TSHZ2: variants seen among roughly 807,000 people sequenced by gnomAD.
The protein encoded by TSHZ2 is teashirt homolog 2.
TSHZ2 carries 21 observed loss-of-function variants against 74.4 expected under a neutral mutation model. That is an observed-to-expected ratio of 0.28 (90% confidence interval 0.20 to 0.41). The LOEUF (loss-of-function observed/expected upper bound fraction) is 0.41, where lower values mean the gene tolerates loss of function less well. Among genes scored for constraint, TSHZ2 ranks in the 10% least tolerant of loss-of-function variants. TSHZ2 has a pLI of 1.00. For synonymous variants in TSHZ2, 540 were observed against 515.3 expected, an observed-to-expected ratio of 1.05 and a Z score of -0.65; for missense variants, 1,244 against 1,293.5, an observed-to-expected ratio of 0.96 and a Z score of 0.59.
At chr20:52,993,009 C>CT (rs1982049931) in intron 1 of TSHZ2, among the ~76,000 whole-genome samples, 2 of 152,056 alleles carry the variant, frequency 1.3e-5, no homozygotes, top group African/African-American at 2.4e-5. Flanking sequence ...TTAGGCTTCT[C>CT]TTTTTTTATT....
chr20:53,340,177 C>CTTTTTTTTTTTTTTTTTTTTTT lies in TSHZ2; in HGVS notation c.*8+83612_*8+83613insTTTTTTTTTTTTTTTTTTTTTT, dbSNP rs74177489. Among the ~76,000 whole-genome samples the CTTTTTTTTTTTTTTTTTTTTTT allele has an allele frequency of 8.5e-5, 8 of 94,080 alleles. 1 individual carries two copies. Among genetic ancestry groups the CTTTTTTTTTTTTTTTTTTTTTT allele is most frequent in the African/African-American group, 2.7e-4 (6 of 22,280 alleles). 61.7% of individuals were successfully genotyped at this position (94,080 alleles called of 152,430 possible). A position where few individuals can be genotyped will look rare whatever the true frequency, so the allele number is the denominator to read the frequency against. Reference sequence around the variant, plus strand: ...GGATAAAACAAGGTGACTTTTCTTTCTTTTTTCTTTTTTTTTTTTTTTTGA... The same window carrying CTTTTTTTTTTTTTTTTTTTTTT: ...GGATAAAACAAGGTGACTTTTCTTTCTTTTTTTTTTTTTTTTTTTTTTTTTTTTCTTTTTTTTTTTTTTTTGA... On this transcript the variant is annotated intron_variant, in intron 2 of 2. Transcript: ENST00000371497.
chr20:53,368,461 C>A (rs760857838), intron 2 of TSHZ2, among the ~76,000 whole-genome samples: 1 of 151,996 alleles, frequency 6.6e-6, no homozygotes, highest in Non-Finnish European at 1.5e-5. Context: ...CTGCCACAAC[C>A]CCCAGCTAAT....
intron 2 of TSHZ2, among the ~76,000 whole-genome samples, chr20:53,425,494 C>T (rs1043644072): frequency 2.6e-5 from 4 of 152,132 alleles, no homozygotes; most frequent in African/African-American, 7.2e-5. Context: ...AAATTTGATG[C>T]GTCTTCACGG....
At chr20:53,026,318 C>T (rs1983442999) in intron 1 of TSHZ2, among the ~76,000 whole-genome samples, 1 of 151,886 alleles carries the variant, frequency 6.6e-6, no homozygotes, top group South Asian at 2.1e-4. Flanking sequence ...AAGATACCTG[C>T]AGGAATTGGG....
chr20:53,339,505 G>A (rs1006583335), intron 2 of TSHZ2, among the ~76,000 whole-genome samples: 2 of 152,330 alleles, frequency 1.3e-5, no homozygotes, highest in African/African-American at 4.8e-5. Flanking sequence ...ACTGGGGCAC[G>A]TGGGAGCTCT....
At chr20:53,313,502 G>A (rs1192879651) in intron 2 of TSHZ2, among the ~76,000 whole-genome samples, 1 of 152,220 alleles carries the variant, frequency 6.6e-6, no homozygotes, top group African/African-American at 2.4e-5. Flanking sequence ...CTTTGCAGGA[G>A]CTGAGGTTTC....
intron 1 of TSHZ2, among the ~76,000 whole-genome samples, chr20:53,123,368 T>A (rs1986864768): frequency 6.6e-6 from 1 of 152,138 alleles, no homozygotes; most frequent in Admixed American, 6.5e-5. Context: ...ATGATCAGCT[T>A]CCATGAGGGA....
intron 2 of TSHZ2, among the ~76,000 whole-genome samples, chr20:53,314,535 C>G (rs953188633): frequency 8.6e-5 from 13 of 151,912 alleles, no homozygotes; most frequent in Non-Finnish European, 1.9e-4. Context: ...AGTCCTCAGC[C>G]ACATACCTGG....
At chr20:53,209,656 A>G (rs1306698187) in intron 1 of TSHZ2, among the ~76,000 whole-genome samples, 3 of 152,194 alleles carry the variant, frequency 2.0e-5, no homozygotes, top group African/African-American at 7.2e-5. Context: ...TTCCAAATCA[A>G]TCAAAAAGTG....
intron 1 of TSHZ2, among the ~76,000 whole-genome samples, chr20:52,984,914 G>T (rs1158773898): frequency 1.3e-5 from 2 of 152,226 alleles, no homozygotes; most frequent in African/African-American, 4.8e-5. Context: ...GGTTAGCCAT[G>T]AATATTTTCT....
At chr20:53,164,714 C>T (rs1359326376) in intron 1 of TSHZ2, among the ~76,000 whole-genome samples, 2 of 152,184 alleles carry the variant, frequency 1.3e-5, no homozygotes, top group Non-Finnish European at 2.9e-5. Context: ...GAAATACTAG[C>T]CTTCTATAGA....
At chr20:53,329,508 T>C (rs751258954) in intron 2 of TSHZ2, among the ~76,000 whole-genome samples, 1 of 152,176 alleles carries the variant, frequency 6.6e-6, no homozygotes, top group Non-Finnish European at 1.5e-5. Flanking sequence ...TGATCCTCCA[T>C]ATCAATATCA....
intron 1 of TSHZ2, among the ~76,000 whole-genome samples, chr20:53,002,469 C>A (rs1982476107): frequency 6.6e-6 from 1 of 151,956 alleles, no homozygotes; most frequent in African/African-American, 2.4e-5. Flanking sequence ...TTTCCATTAC[C>A]CTGAAAAATA....
intron 2 of TSHZ2, among the ~76,000 whole-genome samples, chr20:53,283,961 A>G (rs1463992531): frequency 3.3e-5 from 5 of 152,214 alleles, no homozygotes; most frequent in Non-Finnish European, 7.4e-5. Context: ...TATGCAAAAG[A>G]GGCTTGAATG....
At position 53,255,420 on chromosome 20, in the gene TSHZ2, G is replaced by A; in HGVS notation, c.1962G>A (p.Glu654=). 2 of 1,613,288 alleles carry A rather than the reference G, an allele frequency of 1.2e-6. No individual in the cohort carries two copies. The highest frequency in any genetic ancestry group is 8.5e-7 in the Non-Finnish European group (1 of 1,180,018). Reference sequence around the variant, plus strand: ...CCGAGCTGGGTCCCCTGAAGGAGGAGGAGAAGCTGATGAAAGAGGGCAGCG... The same window carrying A: ...CCGAGCTGGGTCCCCTGAAGGAGGAAGAGAAGCTGATGAAAGAGGGCAGCG... ...KKTELGPLKE[E]EKLMKEGSEK... is the part of the protein sequence containing the mutation. Residue 654 remains glutamate (E), a synonymous_variant, in exon 2 of 3, where the codon GAG becomes GAA. Coordinates refer to ENST00000371497, the MANE Select transcript of TSHZ2 (RefSeq NM_173485.6). This position sits in a 1 kb window ranked among gnomAD's most constrained non-coding sequence, Gnocchi z 4.1.
In TSHZ2 at chr20:53,254,778, T is replaced by C. The variant is rs370496610; in HGVS notation, c.1320T>C (p.Ser440=). The stretch of plus-strand genomic sequence containing the variant: ...TGTCTGAGGCCCCAAACAGTGATTC[T>C]CTGGCTCCCAAGCCATCCAGTAACT... The part of the protein sequence containing the change: ...QSLSEAPNSD[S]LAPKPSSNSA... The change falls in exon 2 of 3, where the codon TCT becomes TCC. Residue 440 remains serine (S), a synonymous_variant. Transcript: ENST00000371497. The C allele has an allele frequency of 3.7e-6, 6 of 1,613,338 alleles. 1 individual carries two copies. The Middle Eastern group carries it at 8.3e-4, about 222-fold the overall frequency.
intron 1 of TSHZ2, among the ~76,000 whole-genome samples, chr20:53,241,774 A>G (rs182721777): frequency 1.3e-4 from 19 of 149,948 alleles, no homozygotes; most frequent in African/African-American, 3.9e-4. Flanking sequence ...ATTATCTCCA[A>G]TTGATAGATG....
chr20:53,364,557 T>C lies in TSHZ2; in HGVS notation c.*8+107986T>C, dbSNP rs368286425. Among the ~76,000 whole-genome samples, 47 of 150,502 alleles carry C rather than the reference T, an allele frequency of 3.1e-4. 1 individual carries two copies. The South Asian group carries it at 8.5e-3, about 27-fold the overall frequency. ...CCCCACTTGTCCAGCCAGTTTTCTCTTCTTCTGGATGCAAACTGAATGTTG... is the reference window on the plus strand; with the variant it reads ...CCCCACTTGTCCAGCCAGTTTTCTCCTCTTCTGGATGCAAACTGAATGTTG... On this transcript the variant is annotated intron_variant, in intron 2 of 2. Transcript: ENST00000371497.
chr20:53,432,690 G>T (rs1983889528), intron 2 of TSHZ2, among the ~76,000 whole-genome samples: 1 of 152,256 alleles, frequency 6.6e-6, no homozygotes, highest in Admixed American at 6.5e-5. Context: ...GTGACAAAAT[G>T]CTCAACATTG....
Sources: gnomAD v4.1 joint callset for allele counts (sites outside exome capture counted in the v4.1 genomes callset) on GRCh38, gnomAD v4.1.1 for gene constraint, Gnocchi (gnomAD v3.1) non-coding constraint, MANE v1.5 for transcripts, NCBI Gene and HGNC (gene_info 2026-07-23, HGNC 2026-07-21) for gene names.